FLRT1: variants seen among roughly 807,000 people sequenced by gnomAD.
FLRT1 encodes fibronectin leucine rich transmembrane protein 1.
FLRT1 carries 14 observed loss-of-function variants against 30.9 expected under a neutral mutation model. The observed-to-expected ratio is 0.45, with a 90% CI of 0.30 to 0.71. The LOEUF (loss-of-function observed/expected upper bound fraction) is 0.71. Among genes scored for constraint, FLRT1 ranks in the 30% least tolerant of loss-of-function variants. The pLI, the probability that FLRT1 is intolerant of heterozygous loss-of-function variation, is 0.08. For synonymous variants in FLRT1, 368 were observed against 430.4 expected, an observed-to-expected ratio of 0.85 and a Z score of 1.80; for missense variants, 737 against 949.2, an observed-to-expected ratio of 0.78 and a Z score of 2.94.
At chr11:64,056,814 G>C (rs1030155446) in intron 1 of FLRT1, among the ~76,000 whole-genome samples, 5 of 152,116 alleles carry the variant, frequency 3.3e-5, no homozygotes, top group African/African-American at 1.2e-4. Context: ...CTGGTGCAAG[G>C]CCTGTCCCAC....
chr11:64,110,991 G>C (rs1237610931), intron 2 of FLRT1, among the ~76,000 whole-genome samples: 1 of 152,222 alleles, frequency 6.6e-6, no homozygotes, highest in Non-Finnish European at 1.5e-5. Context: ...GGCCAAGATG[G>C]ATGAGGCCCA....
chr11:64,059,117 C>T (rs368610923), intron 1 of FLRT1, among the ~76,000 whole-genome samples: 28 of 152,290 alleles, frequency 1.8e-4, no homozygotes, highest in Middle Eastern at 3.4e-3. Flanking sequence ...GCTGAAAGGA[C>T]GGAACAGCCC....
At chr11:64,043,162 G>T (rs763080217) in intron 1 of FLRT1, among the ~76,000 whole-genome samples, 2 of 152,178 alleles carry the variant, frequency 1.3e-5, no homozygotes, top group Middle Eastern at 3.4e-3. Flanking sequence ...ACATCCCAGG[G>T]TTAGCATGAA....
At chr11:64,084,359 C>T (rs1341964507) in intron 1 of FLRT1, among the ~76,000 whole-genome samples, 1 of 152,196 alleles carries the variant, frequency 6.6e-6, no homozygotes, top group Non-Finnish European at 1.5e-5. Context: ...CTGCCACGTG[C>T]TCTGCCCACG....
Position 64,118,247 on chromosome 11 carries a change from C to G in FLRT1, c.1980C>G (p.Gly660=). 1 of 1,604,420 alleles carries G rather than the reference C, an allele frequency of 6.2e-7. No individual in the cohort carries two copies. ...THTIGYGTTR[G]YRDGGIPDID... ...CCATTGGCTACGGCACCACGCGGGG[C>G]TACCGGGACGGCGGCATCCCCGACA... Residue 660 remains glycine, a synonymous_variant, in exon 3 of 3, where the codon GGC becomes GGG. Coordinates refer to ENST00000682287, the MANE Select transcript of FLRT1 (RefSeq NM_013280.5).
In FLRT1 at chr11:64,117,050, C is replaced by T. The variant is rs139711112; in HGVS notation, c.783C>T (p.Ala261=). Residue 261 remains alanine (A), a synonymous_variant, in exon 3 of 3, where the codon GCC becomes GCT. Transcript: ENST00000682287. Reference sequence around the variant, plus strand: ...TCTCGCTGGTGCGCAATTCGCTGGCCGCGCCACCCCTCAACCTGCCCAGCG... The same window carrying T: ...TCTCGCTGGTGCGCAATTCGCTGGCTGCGCCACCCCTCAACCTGCCCAGCG... The part of the protein sequence containing the change: ...TELSLVRNSL[A]APPLNLPSAH... 577 of 1,605,480 alleles carry T rather than the reference C, an allele frequency of 3.6e-4. 2 individuals carry two copies. Among genetic ancestry groups the T allele is most frequent in the Admixed American group, 7.9e-4 (46 of 58,518 alleles).
chr11:64,056,132 G>A (rs769889176), intron 1 of FLRT1, among the ~76,000 whole-genome samples: 17 of 152,252 alleles, frequency 1.1e-4, no homozygotes, highest in Non-Finnish European at 1.9e-4. Flanking sequence ...AAGCAGCCCC[G>A]GCAGTTGGGA....
At chr11:64,088,805 C>G (rs1944439733) in intron 1 of FLRT1, among the ~76,000 whole-genome samples, 1 of 152,132 alleles carries the variant, frequency 6.6e-6, no homozygotes, top group Non-Finnish European at 1.5e-5. Context: ...ACATGATGGG[C>G]TCTTGGTGGG....
chr11:64,074,764 C>T (rs900767920), intron 1 of FLRT1, among the ~76,000 whole-genome samples: 3 of 152,184 alleles, frequency 2.0e-5, no homozygotes, highest in Non-Finnish European at 4.4e-5. Flanking sequence ...CTCCAGGCTT[C>T]TCATGAAACA....
intron 1 of FLRT1, among the ~76,000 whole-genome samples, chr11:64,058,676 C>T (rs1412170592): frequency 6.6e-6 from 1 of 152,260 alleles, no homozygotes; most frequent in Non-Finnish European, 1.5e-5. Context: ...TCCCGCTCCA[C>T]GCCGGCTGCA....
chr11:64,039,749 C>T lies in FLRT1; in HGVS notation c.-1038+3590C>T, dbSNP rs1006628127. ...AGGCCCCCAGAGCACTGCCGCTCCCCGGGGCCAGCGGCTCTGCAGATGATG... is the reference window on the plus strand; with the variant it reads ...AGGCCCCCAGAGCACTGCCGCTCCCTGGGGCCAGCGGCTCTGCAGATGATG... On this transcript the variant is annotated intron_variant, in intron 1 of 2. Transcript: ENST00000682287. 3.9e-5 allele frequency among the ~76,000 whole-genome samples: 6 copies of T among 152,226 alleles called. No individual in the cohort carries two copies. The South Asian group carries it at 6.2e-4, about 16-fold the overall frequency.
At chr11:64,092,476 G>A (rs1944507035) in intron 1 of FLRT1, among the ~76,000 whole-genome samples, 1 of 152,226 alleles carries the variant, frequency 6.6e-6, no homozygotes, top group African/African-American at 2.4e-5. Context: ...GGTTGAGGTT[G>A]GGTGTGGCCA....
rs140765845 is a variant in FLRT1, at chr11:64,091,321, C to T, written c.-1037-11873C>T. Among the ~76,000 whole-genome samples the T allele has an allele frequency of 1.6e-3, 248 of 152,178 alleles. 1 individual carries two copies. Among genetic ancestry groups the T allele is most frequent in the African/African-American group, 5.7e-3 (238 of 41,508 alleles). On this transcript the variant is annotated intron_variant, in intron 1 of 2. Transcript: ENST00000682287. ...ATCACTCACGTAGCTGATTTCATCA[C>T]GTTTCATTTTCTGTCAAGTTTCCTG...
intron 1 of FLRT1, among the ~76,000 whole-genome samples, chr11:64,091,669 T>G (rs938137458): frequency 2.6e-5 from 4 of 152,092 alleles, no homozygotes; most frequent in African/African-American, 9.7e-5. Flanking sequence ...CAGAAGACAC[T>G]CGGCCCAAGG....
At chr11:64,071,977 C>T (rs1211652949) in intron 1 of FLRT1, among the ~76,000 whole-genome samples, 2 of 152,222 alleles carry the variant, frequency 1.3e-5, no homozygotes, top group Admixed American at 6.5e-5. Flanking sequence ...CCGAGGGGAA[C>T]GGGCTGGCTC....
At chr11:64,041,731 T>C (rs2134389001) in intron 1 of FLRT1, among the ~76,000 whole-genome samples, 1 of 152,178 alleles carries the variant, frequency 6.6e-6, no homozygotes, top group South Asian at 2.1e-4. Context: ...ACATAGCATC[T>C]TGGGTCTTGG....
intron 1 of FLRT1, among the ~76,000 whole-genome samples, chr11:64,047,045 C>A (rs1186765809): frequency 5.9e-5 from 9 of 152,292 alleles, no homozygotes; most frequent in Admixed American, 2.0e-4. Flanking sequence ...CCCAGTGCCC[C>A]CCCCGGCTAG....
At chr11:64,079,408 G>T (rs545706536) in intron 1 of FLRT1, among the ~76,000 whole-genome samples, 1 of 152,178 alleles carries the variant, frequency 6.6e-6, no homozygotes, top group East Asian at 1.9e-4. Context: ...GTTGGGGATG[G>T]GGGGGTGTGC....
At chr11:64,078,776 G>T (rs1207952840) in intron 1 of FLRT1, among the ~76,000 whole-genome samples, 1 of 152,006 alleles carries the variant, frequency 6.6e-6, no homozygotes, top group African/African-American at 2.4e-5. Flanking sequence ...CCAAAAGACG[G>T]GTGACTGCAG....
Sources: gnomAD v4.1 joint callset for allele counts (sites outside exome capture counted in the v4.1 genomes callset) on GRCh38, gnomAD v4.1.1 for gene constraint, MANE v1.5 for transcripts, NCBI Gene and HGNC (gene_info 2026-07-23, HGNC 2026-07-21) for gene names.